Variants in ZNF804B observed in about 807,000 individuals in gnomAD.
The protein encoded by ZNF804B is zinc finger protein 804B.
A neutral mutation model predicts 101.4 loss-of-function variants in ZNF804B; 80 were observed. That is an observed-to-expected ratio of 0.79 (90% CI 0.66 to 0.95). The LOEUF is 0.95. Among genes scored for constraint, ZNF804B ranks in the 40% least tolerant of loss-of-function variants. The pLI, the probability that ZNF804B is intolerant of heterozygous loss-of-function variation, is 0.00. For synonymous variants in ZNF804B, 622 were observed against 558.8 expected (o/e 1.11, Z -1.59); for missense variants, 1,673 against 1,561.9 (o/e 1.07, Z -1.20).
At chr7:88,790,750 A>G (rs1586903484) in intron 1 of ZNF804B, among the ~76,000 whole-genome samples, 1 of 152,088 alleles carries the variant, frequency 6.6e-6, no homozygotes, top group Non-Finnish European at 1.5e-5. Context: ...GCTGCAATGA[A>G]CATACGCGTG....
Position 89,328,975 on chromosome 7 carries a change from A to C in ZNF804B, c.380+1501A>C, listed in dbSNP as rs1335075419. Among the ~76,000 whole-genome samples the C allele has an allele frequency of 2.6e-5, 4 of 151,708 alleles. No homozygotes were observed. In the South Asian group the frequency reaches 6.2e-4, roughly 24 times the overall value. ...GATGGTGATGATGATAATGATGCTG[A>C]TGATGATAATGATGCTGATGATGAT... On this transcript the variant is annotated intron_variant, in intron 3 of 3. Coordinates refer to ENST00000333190, the MANE Select transcript of ZNF804B (RefSeq NM_181646.5).
chr7:89,262,978 A>AC (rs11386387), intron 2 of ZNF804B, among the ~76,000 whole-genome samples: 43,154 of 151,794 alleles, frequency 0.28, 6,290 homozygotes, highest in South Asian at 0.34. Flanking sequence ...TTTGTAGCTT[A>AC]GTTGTCCTGT....
At chr7:89,279,249 G>C (rs1437277715) in intron 2 of ZNF804B, among the ~76,000 whole-genome samples, 8 of 151,278 alleles carry the variant, frequency 5.3e-5, no homozygotes, top group South Asian at 2.1e-4. Context: ...AGGAGATTTT[G>C]GGCTGAGACA....
intron 2 of ZNF804B, among the ~76,000 whole-genome samples, chr7:89,242,595 G>T (rs545200529): frequency 6.6e-6 from 1 of 150,590 alleles, no homozygotes; most frequent in Non-Finnish European, 1.5e-5. Context: ...TTTTACTTTA[G>T]ACACAAAGAA....
chr7:88,948,194 A>G (rs879738955), intron 1 of ZNF804B, among the ~76,000 whole-genome samples: 5 of 151,582 alleles, frequency 3.3e-5, no homozygotes, highest in Admixed American at 6.6e-5. Context: ...CATAGCAAAC[A>G]TGCCTGGGTA....
At chr7:89,212,148 T>A (rs2115680679) in intron 1 of ZNF804B, among the ~76,000 whole-genome samples, 1 of 152,088 alleles carries the variant, frequency 6.6e-6, no homozygotes, top group East Asian at 1.9e-4. Context: ...GTGATAAAAA[T>A]TCCTCTCACC....
At chr7:89,248,274 T>C (rs1391965649) in intron 2 of ZNF804B, among the ~76,000 whole-genome samples, 1 of 151,870 alleles carries the variant, frequency 6.6e-6, no homozygotes, top group African/African-American at 2.4e-5. Flanking sequence ...TGAGATACTA[T>C]ACAAAACGAA....
rs1215246589 is a variant in ZNF804B at position 89,171,288 on chromosome 7, G to GCTGCTGCTGCTGCTTCTT, written c.109-46865_109-46864insGCTGCTGCTGCTTCTTCT. On this transcript the variant is annotated intron_variant, in intron 1 of 3. Coordinates refer to ENST00000333190, the MANE Select transcript of ZNF804B (RefSeq NM_181646.5). ...AGTAGGCACAAATAATGCTGCTGCT[G>GCTGCTGCTGCTGCTTCTT]CTTCTTCTTCTTCTTCTTCTTCTTC... Among the ~76,000 whole-genome samples the GCTGCTGCTGCTGCTTCTT allele has an allele frequency of 9.0e-3, 743 of 82,392 alleles. 7 individuals carry two copies. Among genetic ancestry groups the GCTGCTGCTGCTGCTTCTT allele is most frequent in the Admixed American group, 0.017 (149 of 8,548 alleles). 54.1% of individuals were successfully genotyped at this position (82,392 alleles called of 152,430 possible). A position where few individuals can be genotyped will look rare whatever the true frequency, so the allele number is the denominator to read the frequency against.
rs540013112 is a variant in ZNF804B, at chr7:88,759,985, T to C, written c.9T>C (p.Cys3=). Residue 3 remains cysteine (C), a synonymous_variant, in exon 1 of 4, where the codon TGT becomes TGC. Coordinates refer to ENST00000333190, the MANE Select transcript of ZNF804B (RefSeq NM_181646.5). MA[C]YLVISSRHLS... ...CCTCCGCCCGGACCCACATGGCTTG[T>C]TACCTGGTCATCAGTTCGAGACATC... 6 of 1,614,116 alleles carry C rather than the reference T, an allele frequency of 3.7e-6. No individual in the cohort carries two copies. The highest frequency in any genetic ancestry group is 1.6e-4 in the Middle Eastern group (1 of 6,062).
intron 1 of ZNF804B, among the ~76,000 whole-genome samples, chr7:88,911,029 GA>G (rs1334565622): frequency 6.6e-6 from 1 of 151,996 alleles, no homozygotes; most frequent in Non-Finnish European, 1.5e-5. Context: ...AATAATCAGA[GA>G]AAACTTAGAG....
chr7:89,069,270 A>G (rs532192738), intron 1 of ZNF804B, among the ~76,000 whole-genome samples: 1 of 152,298 alleles, frequency 6.6e-6, no homozygotes, highest in Admixed American at 6.5e-5. Flanking sequence ...ATGGAGTTTG[A>G]TGGGGCACAA....
intron 2 of ZNF804B, among the ~76,000 whole-genome samples, chr7:89,218,915 T>C (rs1248995285): frequency 6.6e-6 from 1 of 152,096 alleles, no homozygotes; most frequent in Non-Finnish European, 1.5e-5. Flanking sequence ...GAGGAGGAGT[T>C]GGTCTTGCTG....
At chr7:89,161,819 G>A (rs1047317869) in intron 1 of ZNF804B, among the ~76,000 whole-genome samples, 10 of 151,970 alleles carry the variant, frequency 6.6e-5, no homozygotes, top group Non-Finnish European at 1.3e-4. Context: ...TCACTCATAT[G>A]TTTGTTATTT....
At chr7:89,070,836 A>G (rs763289647) in intron 1 of ZNF804B, among the ~76,000 whole-genome samples, 2 of 152,044 alleles carry the variant, frequency 1.3e-5, no homozygotes, top group Non-Finnish European at 2.9e-5. Flanking sequence ...TCAAGTCTTC[A>G]TTTGTAGAGA....
intron 1 of ZNF804B, among the ~76,000 whole-genome samples, chr7:88,824,418 C>T (rs2115767506): frequency 6.6e-6 from 1 of 152,212 alleles, no homozygotes; most frequent in Non-Finnish European, 1.5e-5. Flanking sequence ...GTTCCTTCCA[C>T]CATGATTGTA....
At chr7:89,244,965 T>C (rs763611861) in intron 2 of ZNF804B, among the ~76,000 whole-genome samples, 52 of 152,290 alleles carry the variant, frequency 3.4e-4, no homozygotes, top group Non-Finnish European at 7.4e-4. Context: ...AGGCAAATGT[T>C]TCCTAGAGGA....
At chr7:89,065,001 A>G (rs960637272) in intron 1 of ZNF804B, among the ~76,000 whole-genome samples, 2 of 152,168 alleles carry the variant, frequency 1.3e-5, no homozygotes, top group Admixed American at 6.6e-5. Flanking sequence ...GTGCCAGACC[A>G]CAAAAGCCAC....
intron 1 of ZNF804B, among the ~76,000 whole-genome samples, chr7:88,983,802 A>G (rs938268672): frequency 6.6e-5 from 10 of 152,038 alleles, no homozygotes; most frequent in Admixed American, 6.6e-4. Flanking sequence ...GGCACCGTTC[A>G]TCTTGATCTC....
At chr7:89,217,506 C>T (rs1451376621) in intron 1 of ZNF804B, among the ~76,000 whole-genome samples, 1 of 152,126 alleles carries the variant, frequency 6.6e-6, no homozygotes, top group Non-Finnish European at 1.5e-5. Flanking sequence ...AAACATTTGC[C>T]ACTATTATTC....
Sources: gnomAD v4.1 joint callset for allele counts (sites outside exome capture counted in the v4.1 genomes callset) on GRCh38, gnomAD v4.1.1 for gene constraint, MANE v1.5 for transcripts, NCBI Gene and HGNC (gene_info 2026-07-23, HGNC 2026-07-21) for gene names.